Variants in CTNNA3 observed in about 807,000 individuals in gnomAD.
The protein encoded by CTNNA3 is catenin alpha 3.
In CTNNA3, 76 loss-of-function variants were observed where a neutral mutation model predicts 95.7. The observed-to-expected ratio is 0.79, with a 90% CI of 0.66 to 0.96. The LOEUF (loss-of-function observed/expected upper bound fraction) is 0.96. CTNNA3 is among the 40% of genes least tolerant of loss of function. The pLI, the probability that CTNNA3 is intolerant of heterozygous loss-of-function variation, is 0.00. For missense variants in CTNNA3, 1,191 were observed against 1,089.8 expected (o/e 1.09, Z -1.31); for synonymous variants, 431 against 374.4 (o/e 1.15, Z -1.74).
At chr10:67,726,602 ATAT>A (rs933403815) in intron 1 of CTNNA3, among the ~76,000 whole-genome samples, 1 of 29,406 alleles carries the variant, frequency 3.4e-5, no homozygotes, top group Non-Finnish European at 5.7e-5. Context: ...ATTATATTAC[ATAT>A]TATATAATAT....
intron 10 of CTNNA3, among the ~76,000 whole-genome samples, chr10:66,542,651 C>T (rs554903284): frequency 0.02 from 3,040 of 150,796 alleles, 72 homozygotes; most frequent in Non-Finnish European, 0.027. Flanking sequence ...AAAAACCAAA[C>T]ACCGCATGTT....
intron 5 of CTNNA3, among the ~76,000 whole-genome samples, chr10:67,446,401 C>T (rs1257518339): frequency 6.6e-6 from 1 of 152,070 alleles, no homozygotes; most frequent in African/African-American, 2.4e-5. Context: ...TGTGTCATTC[C>T]CCTGCTCAAA....
intron 4 of CTNNA3, among the ~76,000 whole-genome samples, chr10:67,531,765 G>C (rs1275824707): frequency 3.3e-5 from 5 of 152,132 alleles, no homozygotes; most frequent in South Asian, 4.1e-4. Context: ...TAGTTTGGCT[G>C]TGTCCCCACC....
intron 12 of CTNNA3, among the ~76,000 whole-genome samples, chr10:66,328,911 C>CATATATATATATATATATAT (rs1554935009): frequency 0.036 from 3,125 of 85,664 alleles, 151 homozygotes; most frequent in Non-Finnish European, 0.043. Flanking sequence ...CACATATATA[C>CATATATATATATATATATAT]ATATATATAT....
At chr10:65,983,584 G>A (rs1440157734) in intron 16 of CTNNA3, among the ~76,000 whole-genome samples, 1 of 151,282 alleles carries the variant, frequency 6.6e-6, no homozygotes, top group Non-Finnish European at 1.5e-5. Flanking sequence ...AATTGTTATA[G>A]GTAAGAATAG....
At chr10:66,174,384 A>T (rs1449874608) in intron 13 of CTNNA3, among the ~76,000 whole-genome samples, 1 of 152,084 alleles carries the variant, frequency 6.6e-6, no homozygotes, top group Non-Finnish European at 1.5e-5. Flanking sequence ...CATAACTGAA[A>T]ATTTTAAATA....
At chr10:67,670,832 A>G (rs1840417029) in intron 1 of CTNNA3, among the ~76,000 whole-genome samples, 1 of 152,152 alleles carries the variant, frequency 6.6e-6, no homozygotes, top group Admixed American at 6.6e-5. Context: ...AACTTCCGTA[A>G]CTTTTTTTAC....
intron 7 of CTNNA3, among the ~76,000 whole-genome samples, chr10:66,830,798 A>T (rs1842692111): frequency 6.6e-6 from 1 of 151,760 alleles, no homozygotes; most frequent in Non-Finnish European, 1.5e-5. Flanking sequence ...TTTAGTAGAG[A>T]CAGGGTTTCA....
chr10:67,456,460 G>C (rs1181814755), intron 5 of CTNNA3, among the ~76,000 whole-genome samples: 1 of 152,084 alleles, frequency 6.6e-6, no homozygotes, highest in Non-Finnish European at 1.5e-5. Flanking sequence ...AGAAAGACTT[G>C]TGGGAAAATA....
chr10:67,097,519 C>G (rs1858077054), intron 7 of CTNNA3: 1 of 1,404,108 alleles, frequency 7.1e-7, no homozygotes, highest in African/African-American at 1.4e-5. Flanking sequence ...GCACTTCAGT[C>G]TCTAAATCTT....
chr10:67,620,903 ATGTG>A (rs1244995621), intron 2 of CTNNA3, among the ~76,000 whole-genome samples: 4,798 of 126,216 alleles, frequency 0.038, 168 homozygotes, highest in African/African-American at 0.091. Flanking sequence ...ATATATGTAT[ATGTG>A]TGTGTGTGTG....
chr10:66,724,093 C>G, intron 9 of CTNNA3, among the ~76,000 whole-genome samples: 1 of 152,074 alleles, frequency 6.6e-6, no homozygotes, highest in Non-Finnish European at 1.5e-5. Context: ...TCTGAAAGTG[C>G]TCTCTGACAA....
At chr10:66,276,319 C>A (rs2091397852) in intron 13 of CTNNA3, among the ~76,000 whole-genome samples, 2 of 152,118 alleles carry the variant, frequency 1.3e-5, no homozygotes, top group Admixed American at 1.3e-4. Context: ...TTCTGAATGC[C>A]CGTTATAGGA....
intron 7 of CTNNA3, among the ~76,000 whole-genome samples, chr10:67,140,154 T>C (rs1219337709): frequency 2.0e-5 from 3 of 152,168 alleles, no homozygotes; most frequent in African/African-American, 7.2e-5. Flanking sequence ...ACAACACATA[T>C]CTACATTTAT....
At chr10:66,868,579 C>T (rs1381249660) in intron 7 of CTNNA3, among the ~76,000 whole-genome samples, 2 of 151,246 alleles carry the variant, frequency 1.3e-5, no homozygotes, top group African/African-American at 2.4e-5. Context: ...GGTGAAACCC[C>T]ATCTCTACTA....
intron 10 of CTNNA3, among the ~76,000 whole-genome samples, chr10:66,564,001 G>C (rs114814866): frequency 6.6e-6 from 1 of 151,848 alleles, no homozygotes; most frequent in Non-Finnish European, 1.5e-5. Context: ...ATAAAACCAA[G>C]CTGTACCTCC....
At chr10:67,473,821 T>C (rs577980019) in intron 5 of CTNNA3, among the ~76,000 whole-genome samples, 3 of 152,348 alleles carry the variant, frequency 2.0e-5, no homozygotes, top group South Asian at 2.1e-4. Flanking sequence ...ATTTAAGCTC[T>C]ATATGGGAGG....
intron 7 of CTNNA3, among the ~76,000 whole-genome samples, chr10:67,096,226 T>C (rs1177681445): frequency 1.3e-5 from 2 of 151,842 alleles, no homozygotes; most frequent in African/African-American, 4.8e-5. Flanking sequence ...TGATTACTTT[T>C]ATTAAAGAGA....
intron 6 of CTNNA3, among the ~76,000 whole-genome samples, chr10:67,198,528 G>A (rs1397695389): frequency 6.6e-6 from 1 of 152,112 alleles, no homozygotes. Flanking sequence ...AAGATACTCT[G>A]AGAAAAAAGA....
Sources: gnomAD v4.1 joint callset for allele counts (sites outside exome capture counted in the v4.1 genomes callset) on GRCh38, gnomAD v4.1.1 for gene constraint, MANE v1.5 for transcripts, NCBI Gene and HGNC (gene_info 2026-07-23, HGNC 2026-07-21) for gene names.